Variants in SPIRE2 observed in about 807,000 individuals in gnomAD.
The protein encoded by SPIRE2 is protein spire homolog 2.
SPIRE2 carries 76 observed loss-of-function variants against 80.7 expected under a neutral mutation model. The ratio of observed to expected loss-of-function variants is 0.94; its 90% CI spans 0.78 to 1.14. The LOEUF (loss-of-function observed/expected upper bound fraction) is 1.14, where lower values mean the gene tolerates loss of function less well. Ranked by LOEUF, SPIRE2 falls within the 50% of genes most tolerant of loss-of-function variation. SPIRE2 has a pLI of 0.00. For missense variants in SPIRE2, 1,196 were observed against 1,015.3 expected, an observed-to-expected ratio of 1.18 and a Z score of -2.42; for synonymous variants, 535 against 432.6, an observed-to-expected ratio of 1.24 and a Z score of -2.94.
chr16:89,848,686 G>T (rs1250459539), intron 2 of SPIRE2, among the ~76,000 whole-genome samples: 4 of 146,630 alleles, frequency 2.7e-5, no homozygotes, highest in Admixed American at 6.8e-5. Flanking sequence ...GATGAGGCAG[G>T]TTCCAGGGCC....
intron 5 of SPIRE2, 22 bp downstream of exon 5, chr16:89,854,673 G>A (rs759614435): frequency 3.1e-6 from 5 of 1,604,120 alleles, no homozygotes; most frequent in Non-Finnish European, 4.3e-6. Context: ...AGACGCAGAG[G>A]GGCAGCCTGG....
intron 1 of SPIRE2, chr16:89,836,459 C>T (rs914090246): frequency 7.0e-5 from 22 of 312,434 alleles, no homozygotes; most frequent in Admixed American, 7.0e-4. Context: ...TCTCTCCATC[C>T]TCCCTTCCAT....
intron 10 of SPIRE2, among the ~76,000 whole-genome samples, chr16:89,861,299 T>G (rs931552168): frequency 4.6e-5 from 7 of 152,216 alleles, no homozygotes; most frequent in Non-Finnish European, 1.0e-4. Flanking sequence ...AAGGGGAGTG[T>G]GCGGCCCGTG....
In SPIRE2 at chr16:89,855,973, G is replaced by T. The variant is rs191220028; in HGVS notation, c.979-140G>T. On this transcript the variant is annotated intron_variant, in intron 6 of 14. Transcript: ENST00000378247. Reference sequence around the variant, plus strand: ...TGGGAGCAGCACTCCCTCCGGGTGGGCCTGGCAGGCTCTTCCGACTCCAGA... The same window carrying T: ...TGGGAGCAGCACTCCCTCCGGGTGGTCCTGGCAGGCTCTTCCGACTCCAGA... The T allele has an allele frequency of 2.7e-3, 3,897 of 1,427,280 alleles. 5 individuals carry two copies. The highest frequency in any genetic ancestry group is 4.3e-3 in the Admixed American group (181 of 41,984). The allele number at this position is 1,427,280 out of a possible 1,614,324, so 88.4% of individuals were successfully genotyped here.
rs567502740 is a variant in SPIRE2 at position 89,867,222 on chromosome 16, G to A, written c.1779-967G>A. Among the ~76,000 whole-genome samples, 6 of 151,930 alleles carry A rather than the reference G, an allele frequency of 3.9e-5. No homozygotes were observed. In the South Asian group the frequency reaches 8.3e-4, roughly 21 times the overall value. On this transcript the variant is annotated intron_variant, in intron 12 of 14. Transcript: ENST00000378247. ...TGCAGTGCCATGATCTCGGCTCACTGCAACTTCCGCCTCCTGGGTTCAAGC... is the reference window on the plus strand; with the variant it reads ...TGCAGTGCCATGATCTCGGCTCACTACAACTTCCGCCTCCTGGGTTCAAGC...
chr16:89,856,839 T>C (rs987974125), intron 7 of SPIRE2, among the ~76,000 whole-genome samples: 2 of 151,598 alleles, frequency 1.3e-5, no homozygotes, highest in African/African-American at 4.8e-5. Context: ...GGCGGGAGGA[T>C]CACTTGAGCC....
intron 3 of SPIRE2, 132 bp downstream of exon 3, chr16:89,850,792 T>A: frequency 1.6e-6 from 1 of 629,140 alleles, no homozygotes; most frequent in Non-Finnish European, 2.6e-6. Context: ...CCGCTGGCAT[T>A]ATGTATTCCC....
chr16:89,828,890 G>C lies in SPIRE2; in HGVS notation c.244+96G>C. 3.0e-6 allele frequency: 3 copies of C among 1,009,806 alleles called. No individual in the cohort carries two copies. Among genetic ancestry groups the C allele is most frequent in the African/African-American group, 1.7e-5 (1 of 58,842 alleles). The allele number at this position is 1,009,806 out of a possible 1,614,324, so 62.6% of individuals were successfully genotyped here. A position where few individuals can be genotyped will look rare whatever the true frequency, so the allele number is the denominator to read the frequency against. Reference sequence around the variant, plus strand: ...TGGTCCCGGCGGAGAGGCTGCGACCGGTTCTGGAGCGGGAGATCCCCTTCT... The same window carrying C: ...TGGTCCCGGCGGAGAGGCTGCGACCCGTTCTGGAGCGGGAGATCCCCTTCT... On this transcript the variant is annotated intron_variant, in intron 1 of 14. Coordinates refer to ENST00000378247, the MANE Select transcript of SPIRE2 (RefSeq NM_032451.2). The surrounding 1 kb of genome is among the most constrained non-coding windows in gnomAD (Gnocchi z 5.9).
chr16:89,849,484 C>T (rs1334211714), intron 2 of SPIRE2, among the ~76,000 whole-genome samples: 1 of 152,228 alleles, frequency 6.6e-6, no homozygotes, highest in African/African-American at 2.4e-5. Context: ...TCTTTCTTTC[C>T]TTGTTGTAAA....
chr16:89,858,352 C>A lies in SPIRE2; in HGVS notation c.1117C>A (p.Pro373Thr). The change falls in exon 8 of 15, where the codon CCC becomes ACC. Residue 373 changes from proline (P) to threonine (T), a missense_variant. Transcript: ENST00000378247. The stretch of plus-strand genomic sequence containing the variant: ...CGTCTCCCCAGGGTTTGGCTCTCTG[C>A]CCTGCATCCTCAACGCCTGCTCCGG... ...GWAARGFGSL[P>T]CILNACSGDA... The A allele has an allele frequency of 6.2e-7, 1 of 1,605,762 alleles. No individual in the cohort carries two copies. The highest frequency in any genetic ancestry group is 8.5e-7 in the Non-Finnish European group (1 of 1,176,614).
chr16:89,847,798 C>G (rs1265857901), intron 2 of SPIRE2, among the ~76,000 whole-genome samples: 1 of 152,210 alleles, frequency 6.6e-6, no homozygotes, highest in African/African-American at 2.4e-5. Context: ...AAGTTTTTTG[C>G]TTTTCAGAGA....
intron 6 of SPIRE2, 26 bp from the exon 7 acceptor site, chr16:89,856,087 C>T (rs1303781286): frequency 1.2e-6 from 2 of 1,600,976 alleles, no homozygotes; most frequent in Non-Finnish European, 8.5e-7. Context: ...TGCTTCCCCA[C>T]CGCAGGTCTC....
chr16:89,836,738 GGGAGGCCAAGGCA>G (rs930395561), intron 1 of SPIRE2, among the ~76,000 whole-genome samples: 1 of 151,764 alleles, frequency 6.6e-6, no homozygotes, highest in African/African-American at 2.4e-5. Context: ...CCAGCACTTT[GGGAGGCCAAGGCA>G]GGCGGATCAC....
At chr16:89,857,971 C>T (rs983240555) in intron 7 of SPIRE2, among the ~76,000 whole-genome samples, 1 of 151,468 alleles carries the variant, frequency 6.6e-6, no homozygotes, top group African/African-American at 2.4e-5. Context: ...CAAGCTCTAC[C>T]TCCTGGGTTC....
In SPIRE2 at chr16:89,861,424, C is replaced by G. The variant is rs1011454538; in HGVS notation, c.1575+629C>G. Among the ~76,000 whole-genome samples the G allele has an allele frequency of 1.9e-4, 29 of 152,358 alleles. 1 individual carries two copies. The highest frequency in any genetic ancestry group is 3.9e-4 in the East Asian group (2 of 5,186). Reference sequence around the variant, plus strand: ...AACAGATGTTAAAATGCTTTGAGAACTATGAGCCTTATATAAATGCAAGGC... The same window carrying G: ...AACAGATGTTAAAATGCTTTGAGAAGTATGAGCCTTATATAAATGCAAGGC... On this transcript the variant is annotated intron_variant, in intron 10 of 14. Transcript: ENST00000378247.
chr16:89,869,842 G>A (rs1230916187), intron 14 of SPIRE2, among the ~76,000 whole-genome samples, 160 bp downstream of exon 14: 1 of 151,814 alleles, frequency 6.6e-6, no homozygotes, highest in Non-Finnish European at 1.5e-5. Flanking sequence ...GCTCTGGGAG[G>A]CTGAGCAGTA....
rs145384952 is a variant in SPIRE2, at chr16:89,855,621, C to T, written c.913C>T (p.Arg305Trp). ...KVMVDGDIPP[R>W]VKKDAHELIL... is the part of the protein sequence containing the mutation. ...GCAGGTGGATGGGGACATCCCGCCC[C>T]GGGTGAAGAAGGACGCTCACGAGCT... The change falls in exon 6 of 15, where the codon CGG becomes TGG. Residue 305 changes from arginine (R) to tryptophan (W), a missense_variant. Coordinates refer to ENST00000378247, the MANE Select transcript of SPIRE2 (RefSeq NM_032451.2). 62 of 1,612,790 alleles carry T rather than the reference C, an allele frequency of 3.8e-5. No homozygotes were observed. Among genetic ancestry groups the T allele is most frequent in the African/African-American group, 1.1e-4 (8 of 75,026 alleles).
intron 1 of SPIRE2, among the ~76,000 whole-genome samples, chr16:89,836,858 C>T (rs2041455331): frequency 2.0e-5 from 3 of 151,688 alleles, no homozygotes; most frequent in South Asian, 2.1e-4. Flanking sequence ...AGCTGGGCGT[C>T]GTGGTACATG....
intron 1 of SPIRE2, among the ~76,000 whole-genome samples, chr16:89,843,666 C>CGTTTTTTTTTTTG (rs2041524586): frequency 1.1e-4 from 5 of 47,322 alleles, no homozygotes; most frequent in East Asian, 3.0e-3. Flanking sequence ...CTTGCTGCCA[C>CGTTTTTTTTTTTG]GTTTTTTTTT....
Sources: gnomAD v4.1 joint callset for allele counts (sites outside exome capture counted in the v4.1 genomes callset) on GRCh38, gnomAD v4.1.1 for gene constraint, Gnocchi (gnomAD v3.1) non-coding constraint, MANE v1.5 for transcripts, NCBI Gene and HGNC (gene_info 2026-07-23, HGNC 2026-07-21) for gene names.